STX18: variants seen among roughly 807,000 people sequenced by gnomAD.
STX18 encodes syntaxin 18.
In STX18, 40 loss-of-function variants were observed where a neutral mutation model predicts 50.1. The ratio of observed to expected loss-of-function variants is 0.80; its 90% CI spans 0.62 to 1.04. The LOEUF (loss-of-function observed/expected upper bound fraction) is 1.04, where lower values mean the gene tolerates loss of function less well. Ranked by LOEUF, STX18 falls within the 50% of genes least tolerant of loss-of-function variation. The probability of loss-of-function intolerance (pLI) is 0.00; values close to 1 mark genes in which losing one functional copy is unlikely to be tolerated. For missense variants in STX18, 410 were observed against 415.8 expected (o/e 0.99, Z 0.12); for synonymous variants, 158 against 151.8 (o/e 1.04, Z -0.30).
intron 1 of STX18, among the ~76,000 whole-genome samples, chr4:4,494,163 G>T (rs918804944): frequency 6.6e-6 from 1 of 152,122 alleles, no homozygotes; most frequent in African/African-American, 2.4e-5. Context: ...CAAATGCTAC[G>T]AAGTAAAAAC....
chr4:4,447,017 C>T (rs1448930694), intron 5 of STX18, among the ~76,000 whole-genome samples: 1 of 152,166 alleles, frequency 6.6e-6, no homozygotes, highest in Non-Finnish European at 1.5e-5. Context: ...AAGGAAAAGC[C>T]AGTTAAAAAC....
intron 7 of STX18, among the ~76,000 whole-genome samples, chr4:4,430,953 T>C (rs1280324388): frequency 6.6e-6 from 1 of 152,216 alleles, no homozygotes; most frequent in Non-Finnish European, 1.5e-5. Flanking sequence ...TGTTCTTTCA[T>C]CATCCCTCCA....
At position 4,512,094 on chromosome 4, in the gene STX18, G is replaced by A. The variant is rs190338029; in HGVS notation, c.168+29703C>T. ...ATCCCCTAGAAGCAAAATTGCACGAGCCACTGGTTTAAATGATCAAAAGAT... is the reference window on the plus strand; with the variant it reads ...ATCCCCTAGAAGCAAAATTGCACGAACCACTGGTTTAAATGATCAAAAGAT... On this transcript the variant is annotated intron_variant, in intron 1 of 10. Transcript: ENST00000306200. 1.8e-4 allele frequency among the ~76,000 whole-genome samples: 28 copies of A among 152,138 alleles called. No homozygotes were observed. In the East Asian group the frequency reaches 5.2e-3, roughly 28 times the overall value.
chr4:4,424,440 C>T (rs375334547), intron 8 of STX18, among the ~76,000 whole-genome samples: 2 of 83,542 alleles, frequency 2.4e-5, no homozygotes, highest in African/African-American at 4.8e-5. Flanking sequence ...GGGGGAGTAG[C>T]GGGGTGGGGG....
chr4:4,499,536 A>T (rs1045850765), intron 1 of STX18: 11 of 985,476 alleles, frequency 1.1e-5, no homozygotes, highest in Non-Finnish European at 1.3e-5. Context: ...GGATCCCAGC[A>T]AGCCTAGCAC....
At chr4:4,461,623 T>C (rs1183775871) in intron 2 of STX18, among the ~76,000 whole-genome samples, 1 of 152,156 alleles carries the variant, frequency 6.6e-6, no homozygotes, top group Non-Finnish European at 1.5e-5. Context: ...GGCTAGCACA[T>C]TGCACTGGGA....
At chr4:4,436,021 G>A (rs1223643241) in intron 6 of STX18, among the ~76,000 whole-genome samples, 1 of 152,134 alleles carries the variant, frequency 6.6e-6, no homozygotes, top group Non-Finnish European at 1.5e-5. Context: ...AGTACTCAAA[G>A]GCAAATACTG....
chr4:4,453,798 C>A (rs1413331078), intron 5 of STX18: 10 of 329,346 alleles, frequency 3.0e-5, no homozygotes, highest in Non-Finnish European at 3.9e-5. Context: ...AGATGCTTCA[C>A]ACTACCTCAA....
chr4:4,481,474 T>A (rs1728459322), intron 1 of STX18: 1 of 152,216 alleles, frequency 6.6e-6, no homozygotes, highest in African/African-American at 2.4e-5. Context: ...TCATTATTTT[T>A]TTTTCATTCA....
chr4:4,462,502 G>A (rs1273754947), intron 2 of STX18, among the ~76,000 whole-genome samples: 1 of 152,220 alleles, frequency 6.6e-6, no homozygotes, highest in African/African-American at 2.4e-5. Context: ...AGGGGGTGGA[G>A]TAGAATTCAG....
intron 1 of STX18, among the ~76,000 whole-genome samples, chr4:4,490,677 A>G (rs1367490836): frequency 1.3e-5 from 2 of 152,138 alleles, no homozygotes; most frequent in Non-Finnish European, 2.9e-5. Flanking sequence ...TATAACAATC[A>G]CTAAGGAAGC....
chr4:4,427,895 G>A (rs1044807737), intron 7 of STX18, among the ~76,000 whole-genome samples: 1 of 152,234 alleles, frequency 6.6e-6, no homozygotes, highest in Non-Finnish European at 1.5e-5. Flanking sequence ...AGAAGCAGGT[G>A]CCTCAAGGAT....
Position 4,432,502 on chromosome 4 carries a change from C to T in STX18, c.702+2268G>A, listed in dbSNP as rs1725567414. Among the ~76,000 whole-genome samples, 2 of 152,214 alleles carry T rather than the reference C, an allele frequency of 1.3e-5. 1 individual carries two copies. The highest frequency in any genetic ancestry group is 4.1e-4 in the South Asian group (2 of 4,830). On this transcript the variant is annotated intron_variant, in intron 7 of 10. Coordinates refer to ENST00000306200, the MANE Select transcript of STX18 (RefSeq NM_016930.4). Reference sequence around the variant, plus strand: ...CTCTCAAGGGTAAAGGAAGGGGAAACAGAATTTTTCAAGCACCCCATGTGT... The same window carrying T: ...CTCTCAAGGGTAAAGGAAGGGGAAATAGAATTTTTCAAGCACCCCATGTGT...
Position 4,541,838 on chromosome 4 carries a change from G to T in STX18, c.127C>A (p.Pro43Thr). 6.2e-7 allele frequency: 1 copy of T among 1,611,230 alleles called. No individual in the cohort carries two copies. The highest frequency in any genetic ancestry group is 8.5e-7 in the Non-Finnish European group (1 of 1,179,164). ...GSRDELFRRS[P>T]RPKGDFSSRA... ...CTGGAGAAGTCGCCCTTGGGCCGGG[G>T]GCTCCGGCGGAACAGCTCGTCCCGG... Residue 43 changes from proline to threonine, a missense_variant, in exon 1 of 11, where the codon CCC becomes ACC. Physicochemically the swap from Pro to Thr is conservative, Grantham distance 38. Coordinates refer to ENST00000306200, the MANE Select transcript of STX18 (RefSeq NM_016930.4).
In STX18 at chr4:4,471,125, A is replaced by G. The variant is rs565881024; in HGVS notation, c.236+514T>C. On this transcript the variant is annotated intron_variant, in intron 2 of 10. Coordinates refer to ENST00000306200, the MANE Select transcript of STX18 (RefSeq NM_016930.4). ...GGTGTCAAAAGCCTGGGAGAAGGAC[A>G]AAAGAAGAAAATGGCCATCAGGACT... Among the ~76,000 whole-genome samples the G allele has an allele frequency of 2.6e-5, 4 of 152,302 alleles. No individual in the cohort carries two copies. In the South Asian group the frequency reaches 6.2e-4, roughly 24 times the overall value.
At chr4:4,506,681 G>C (rs760560713) in intron 1 of STX18, among the ~76,000 whole-genome samples, 7 of 152,290 alleles carry the variant, frequency 4.6e-5, no homozygotes, top group South Asian at 2.1e-4. Context: ...GAACTCTATA[G>C]ATACTATGTT....
At chr4:4,437,841 C>A (rs924935339) in intron 6 of STX18, among the ~76,000 whole-genome samples, 3 of 152,242 alleles carry the variant, frequency 2.0e-5, no homozygotes, top group African/African-American at 7.2e-5. Flanking sequence ...CTGTGTATGT[C>A]CCCCTACATT....
rs1219800622 is a variant in STX18, at chr4:4,419,159, A to G, written c.*875T>C. Reference sequence around the variant, plus strand: ...GGGCGCTGGGATGCTTCCTGTACAGATGTCTCATGCCTTCAGTTACACATA... The same window carrying G: ...GGGCGCTGGGATGCTTCCTGTACAGGTGTCTCATGCCTTCAGTTACACATA... On this transcript the variant is annotated 3_prime_UTR_variant, in exon 11 of 11. Transcript: ENST00000306200. 6.6e-6 allele frequency: 1 copy of G among 152,226 alleles called. No individual in the cohort carries two copies. Among genetic ancestry groups the G allele is most frequent in the Non-Finnish European group, 1.5e-5 (1 of 68,054 alleles). The allele number at this position is 152,226 out of a possible 1,614,324, so 9.4% of individuals were successfully genotyped here.
In STX18 at chr4:4,420,064, G is replaced by A; in HGVS notation, c.978C>T (p.Ser326=). The change falls in exon 11 of 11, where the codon TCC becomes TCT. Residue 326 remains serine, a synonymous_variant. Transcript: ENST00000306200. The surrounding 1 kb of genome is among the most constrained non-coding windows in gnomAD (Gnocchi z 4.3). ...ILFFLVMCSF[S]LLFLDWYDS ...TGTCGTACCAGTCGAGGAAGAGCAA[G>A]GAGAAGGAGCACATCACGAGGAAGA... is the stretch of plus-strand genomic sequence containing the variant. The A allele has an allele frequency of 6.2e-7, 1 of 1,613,290 alleles. No individual in the cohort carries two copies. The highest frequency in any genetic ancestry group is 8.5e-7 in the Non-Finnish European group (1 of 1,179,632).
Sources: gnomAD v4.1 joint callset for allele counts (sites outside exome capture counted in the v4.1 genomes callset) on GRCh38, gnomAD v4.1.1 for gene constraint, Gnocchi (gnomAD v3.1) non-coding constraint, MANE v1.5 for transcripts, NCBI Gene and HGNC (gene_info 2026-07-23, HGNC 2026-07-21) for gene names.